COG3: variants seen among roughly 807,000 people sequenced by gnomAD.
The protein encoded by COG3 is component of oligomeric golgi complex 3.
In COG3, 32 loss-of-function variants were observed where a neutral mutation model predicts 114.1. The ratio of observed to expected loss-of-function variants is 0.28; its 90% CI spans 0.21 to 0.38. The LOEUF (loss-of-function observed/expected upper bound fraction) is 0.38, where lower values mean the gene tolerates loss of function less well. Among genes scored for constraint, COG3 ranks in the 10% least tolerant of loss-of-function variants. The probability of loss-of-function intolerance (pLI) is 1.00; values close to 1 mark genes in which losing one functional copy is unlikely to be tolerated. For missense variants in COG3, 813 were observed against 973.2 expected, an observed-to-expected ratio of 0.84 and a Z score of 2.19; for synonymous variants, 352 against 365.7, an observed-to-expected ratio of 0.96 and a Z score of 0.43.
At chr13:45,487,642 A>C (rs1417899517) in intron 8 of COG3, among the ~76,000 whole-genome samples, 2 of 152,250 alleles carry the variant, frequency 1.3e-5, no homozygotes, top group Non-Finnish European at 2.9e-5. Flanking sequence ...AAAATGTTCA[A>C]CATCACTAAT....
intron 5 of COG3, 150 bp from the exon 6 acceptor site, chr13:45,482,231 C>T: frequency 2.0e-6 from 1 of 507,344 alleles, no homozygotes; most frequent in Non-Finnish European, 3.5e-6. Context: ...TACATGTGGG[C>T]TACATTCGAG....
In COG3 at chr13:45,525,104, A is replaced by G; in HGVS notation, c.2230+53A>G. 7 of 1,491,252 alleles carry G rather than the reference A, an allele frequency of 4.7e-6. No homozygotes were observed. The Admixed American group carries it at 8.6e-5, about 18-fold the overall frequency. The allele number at this position is 1,491,252 out of a possible 1,614,324, so 92.4% of individuals were successfully genotyped here. On this transcript the variant is annotated intron_variant, in intron 20 of 22. Transcript: ENST00000349995. ...CTTTTTTAGGATGTTATTAGTTTGCATTTATATAGTCCTTACTGTGACAGC... is the reference window on the plus strand; with the variant it reads ...CTTTTTTAGGATGTTATTAGTTTGCGTTTATATAGTCCTTACTGTGACAGC...
chr13:45,469,159 T>C (rs1348480432), intron 1 of COG3, among the ~76,000 whole-genome samples: 1 of 152,204 alleles, frequency 6.6e-6, no homozygotes, highest in African/African-American at 2.4e-5. Context: ...GTTCTTATGA[T>C]TGAAAAGTAG....
intron 1 of COG3, chr13:45,466,401 A>C (rs1276211393): frequency 6.6e-6 from 1 of 152,172 alleles, no homozygotes; most frequent in East Asian, 1.9e-4. Context: ...TAGAGTCTTC[A>C]ACTTTTTCTG....
At chr13:45,479,148 A>C in intron 3 of COG3, 82 bp downstream of exon 3, 3 of 987,304 alleles carry the variant, frequency 3.0e-6, no homozygotes, top group Non-Finnish European at 4.6e-6. Flanking sequence ...AGTGTCTTTA[A>C]ATAAAACTGA....
intron 13 of COG3, among the ~76,000 whole-genome samples, chr13:45,499,482 T>C (rs1284330343): frequency 2.6e-5 from 4 of 152,320 alleles, no homozygotes; most frequent in South Asian, 2.1e-4. Context: ...TTGCATGGCA[T>C]AGGGGGAAAT....
At chr13:45,502,904 C>T (rs913168676) in intron 13 of COG3, among the ~76,000 whole-genome samples, 1 of 152,104 alleles carries the variant, frequency 6.6e-6, no homozygotes, top group Non-Finnish European at 1.5e-5. Flanking sequence ...ATAATTAATG[C>T]AAATTAGTGG....
At chr13:45,491,894 G>T (rs763189922) in intron 10 of COG3, among the ~76,000 whole-genome samples, 1 of 152,030 alleles carries the variant, frequency 6.6e-6, no homozygotes, top group Non-Finnish European at 1.5e-5. Context: ...ATGCATAAGC[G>T]CTCTTTTTTG....
At position 45,496,224 on chromosome 13, in the gene COG3, G is replaced by A; in HGVS notation, c.1400G>A (p.Arg467Gln). 6.2e-7 allele frequency: 1 copy of A among 1,612,928 alleles called. No individual in the cohort carries two copies. Among genetic ancestry groups the A allele is most frequent in the Non-Finnish European group, 8.5e-7 (1 of 1,179,458 alleles). ...LEDVQERLVY[R>Q]THIYIQTDIT... Reference sequence around the variant, plus strand: ...GATGTACAGGAGCGGCTCGTCTACCGAACCCACATCTATATTCAGACGGAC... The same window carrying A: ...GATGTACAGGAGCGGCTCGTCTACCAAACCCACATCTATATTCAGACGGAC... The change falls in exon 13 of 23, where the codon CGA becomes CAA. Residue 467 changes from arginine (R) to glutamine (Q), a missense_variant. Physicochemically the swap from Arg to Gln is conservative, Grantham distance 43. Coordinates refer to ENST00000349995, the MANE Select transcript of COG3 (RefSeq NM_031431.4).
chr13:45,512,486 C>T (rs1368982768), intron 16 of COG3, among the ~76,000 whole-genome samples: 2 of 152,156 alleles, frequency 1.3e-5, no homozygotes, highest in African/African-American at 2.4e-5. Context: ...CATGTACCTT[C>T]ATGCCCCTGC....
At chr13:45,517,439 G>T (rs537671697) in intron 17 of COG3, among the ~76,000 whole-genome samples, 57 of 152,050 alleles carry the variant, frequency 3.7e-4, no homozygotes, top group Non-Finnish European at 6.9e-4. Flanking sequence ...TGTCCACCAC[G>T]GAGAATATGT....
intron 1 of COG3, among the ~76,000 whole-genome samples, chr13:45,470,910 A>G (rs1885432243): frequency 6.6e-6 from 1 of 152,248 alleles, no homozygotes; most frequent in African/African-American, 2.4e-5. Context: ...TTCAGTAGAA[A>G]GTGTACCTGT....
intron 12 of COG3, among the ~76,000 whole-genome samples, chr13:45,494,841 TTTTTTTTC>T (rs1325175676): frequency 6.9e-6 from 1 of 145,428 alleles, no homozygotes; most frequent in African/African-American, 2.5e-5. Context: ...TAATGTGATT[TTTTTTTTC>T]TTTTTTTCTC....
chr13:45,487,335 A>G (rs1289524272), intron 8 of COG3, among the ~76,000 whole-genome samples: 1 of 152,236 alleles, frequency 6.6e-6, no homozygotes, highest in East Asian at 1.9e-4. Context: ...GTCTAGGCCA[A>G]GATTTTATGG....
At chr13:45,521,897 G>T (rs1872194717) in intron 19 of COG3, among the ~76,000 whole-genome samples, 1 of 150,848 alleles carries the variant, frequency 6.6e-6, no homozygotes, top group Admixed American at 6.6e-5. Context: ...CTGCCTCCCG[G>T]GTCCAAGCAA....
At chr13:45,479,136 T>A in intron 3 of COG3, 70 bp downstream of exon 3, 2 of 1,105,280 alleles carry the variant, frequency 1.8e-6, no homozygotes, top group South Asian at 2.8e-5. Flanking sequence ...CATTTCATAA[T>A]CAGTGTCTTT....
At chr13:45,533,744 CTG>C (rs1414130762) in intron 22 of COG3, among the ~76,000 whole-genome samples, 1 of 152,184 alleles carries the variant, frequency 6.6e-6, no homozygotes, top group Non-Finnish European at 1.5e-5. Context: ...TTCTTTTAAC[CTG>C]GAGCAGTTAG....
intron 15 of COG3, among the ~76,000 whole-genome samples, chr13:45,510,073 G>A (rs757627202): frequency 6.6e-6 from 1 of 152,152 alleles, no homozygotes; most frequent in African/African-American, 2.4e-5. Flanking sequence ...TGTTTTATGT[G>A]TGCATTCCTG....
chr13:45,511,867 G>A lies in COG3; in HGVS notation c.1809+13G>A. 3.8e-6 allele frequency: 6 copies of A among 1,594,884 alleles called. No individual in the cohort carries two copies. Among genetic ancestry groups the A allele is most frequent in the Non-Finnish European group, 5.2e-6 (6 of 1,162,572 alleles). On this transcript the variant is annotated intron_variant, in intron 16 of 22. Coordinates refer to ENST00000349995, the MANE Select transcript of COG3 (RefSeq NM_031431.4). ...CAGCAAAAACAAGGTTTGATGAAGT[G>A]TTAGGTGAAATCCTGTTTCCTGGTA... is the stretch of plus-strand genomic sequence containing the variant.
Sources: gnomAD v4.1 joint callset for allele counts (sites outside exome capture counted in the v4.1 genomes callset) on GRCh38, gnomAD v4.1.1 for gene constraint, MANE v1.5 for transcripts, NCBI Gene and HGNC (gene_info 2026-07-23, HGNC 2026-07-21) for gene names.